RDH13: variants seen among roughly 807,000 people sequenced by gnomAD.
The protein encoded by RDH13 is retinol dehydrogenase 13 (all-trans and 9-cis).
Under a neutral mutation model 28.3 loss-of-function variants are expected in RDH13, and 35 were observed. The observed-to-expected ratio is 1.24, with a 90% CI of 0.95 to 1.64. The LOEUF is 1.64. Ranked by LOEUF, RDH13 falls within the 40% of genes most tolerant of loss-of-function variation. The pLI is 0.00. For missense variants in RDH13, 514 were observed against 446.3 expected, an observed-to-expected ratio of 1.15 and a Z score of -1.37; for synonymous variants, 229 against 198.5, an observed-to-expected ratio of 1.15 and a Z score of -1.29.
upstream of RDH13, among the ~76,000 whole-genome samples, chr19:55,065,982 T>C (rs779168647): frequency 2.0e-5 from 3 of 152,210 alleles, no homozygotes; most frequent in Non-Finnish European, 2.9e-5. Flanking sequence ...CCTCCCAAAG[T>C]GCTGGGATTA....
chr19:55,044,962 G>T lies in RDH13; in HGVS notation c.*112C>A. 1 of 787,404 alleles carries T rather than the reference G, an allele frequency of 1.3e-6. No individual in the cohort carries two copies. Among genetic ancestry groups the T allele is most frequent in the Non-Finnish European group, 2.0e-6 (1 of 497,978 alleles). The allele number at this position is 787,404 out of a possible 1,614,324, so 48.8% of individuals were successfully genotyped here. A position where few individuals can be genotyped will look rare whatever the true frequency, so the allele number is the denominator to read the frequency against. ...CCCTAGAACCTACTGCGGGCATGGCGGCCGCCAGTCCTGGGTCTCCCGGCT... is the reference window on the plus strand; with the variant it reads ...CCCTAGAACCTACTGCGGGCATGGCTGCCGCCAGTCCTGGGTCTCCCGGCT... On this transcript the variant is annotated 3_prime_UTR_variant, in exon 7 of 7. Coordinates refer to ENST00000415061, the MANE Select transcript of RDH13 (RefSeq NM_001145971.2).
upstream of RDH13, chr19:55,063,289 G>A (rs887628644): frequency 5.2e-6 from 2 of 387,902 alleles, no homozygotes; most frequent in East Asian, 7.5e-5. Flanking sequence ...AGGAGCCTGT[G>A]GGCGTGGCTA....
downstream of RDH13, among the ~76,000 whole-genome samples, chr19:55,039,926 T>G (rs117498271): frequency 0.019 from 2,841 of 152,292 alleles, 37 homozygotes; most frequent in Non-Finnish European, 0.025. Flanking sequence ...AAGGAAATAT[T>G]CCGGACTTGA....
At chr19:55,066,641 CT>C (rs879745347), upstream of RDH13, among the ~76,000 whole-genome samples, 25 of 147,090 alleles carry the variant, frequency 1.7e-4, no homozygotes, top group Non-Finnish European at 3.3e-4. Context: ...TCCTCTCTCT[CT>C]CCCTCTTTCT....
At chr19:55,056,591 A>G in intron 3 of RDH13, 62 bp downstream of exon 3, 1 of 1,577,874 alleles carries the variant, frequency 6.3e-7, no homozygotes, top group Non-Finnish European at 8.6e-7. Flanking sequence ...TTCACTTCTC[A>G]GAGCCTGGCC....
At chr19:55,066,856 A>G (rs1221248276), upstream of RDH13, among the ~76,000 whole-genome samples, 2 of 151,970 alleles carry the variant, frequency 1.3e-5, no homozygotes, top group African/African-American at 4.8e-5. Context: ...AAGGGGGGCA[A>G]GGAGCTCCAG....
At position 55,063,072 on chromosome 19, in the gene RDH13, C is replaced by T; in HGVS notation, c.-40G>A. ...AGGCGTCAGGCGTCAGGGGTCGGCG[C>T]GGAGCTTGCTGCACACCAGCCGCCT... On this transcript the variant is annotated 5_prime_UTR_variant, in exon 1 of 7. Coordinates refer to ENST00000415061, the MANE Select transcript of RDH13 (RefSeq NM_001145971.2). 1.7e-6 allele frequency: 2 copies of T among 1,146,094 alleles called. No individual in the cohort carries two copies. Among genetic ancestry groups the T allele is most frequent in the East Asian group, 3.8e-5 (1 of 26,138 alleles). 71.0% of individuals were successfully genotyped at this position (1,146,094 alleles called of 1,614,324 possible). A position where few individuals can be genotyped will look rare whatever the true frequency, so the allele number is the denominator to read the frequency against.
chr19:55,054,727 C>T (rs2075573268), intron 3 of RDH13, among the ~76,000 whole-genome samples: 1 of 127,656 alleles, frequency 7.8e-6, no homozygotes, highest in African/African-American at 2.8e-5. Flanking sequence ...TGCCAGGATG[C>T]CCGGCTAATT....
At position 55,048,775 on chromosome 19, in the gene RDH13, G is replaced by A. The variant is rs376231571; in HGVS notation, c.341-12C>T. The A allele has an allele frequency of 1.9e-6, 3 of 1,609,278 alleles. No individual in the cohort carries two copies. Among genetic ancestry groups the A allele is most frequent in the East Asian group, 4.5e-5 (2 of 44,822 alleles). On this transcript the variant is annotated splice_polypyrimidine_tract_variant and intron_variant, in intron 3 of 6. Coordinates refer to ENST00000415061, the MANE Select transcript of RDH13 (RefSeq NM_001145971.2). The stretch of plus-strand genomic sequence containing the variant: ...CACTCGCTCCTCCTCTGGAAGAGAG[G>A]GGTGGAGGAGGAGACATCCCGGTGA...
In RDH13 at chr19:55,059,047, C is replaced by T. The variant is rs1319054609; in HGVS notation, c.184+110G>A. ...AGAAGCCACATTCTGTTTCCCTGTT[C>T]ATCTGTGGATGGGTGCCTGGGTTCC... On this transcript the variant is annotated intron_variant, in intron 2 of 6. Transcript: ENST00000415061. 7 of 696,238 alleles carry T rather than the reference C, an allele frequency of 1.0e-5. No individual in the cohort carries two copies. The East Asian group carries it at 1.9e-4, about 19-fold the overall frequency. 43.1% of individuals were successfully genotyped at this position (696,238 alleles called of 1,614,324 possible).
At chr19:55,040,054 T>C (rs1230683908), downstream of RDH13, among the ~76,000 whole-genome samples, 1 of 152,164 alleles carries the variant, frequency 6.6e-6, no homozygotes, top group African/African-American at 2.4e-5. Context: ...TACTATTTAA[T>C]AGGGAGCGCT....
chr19:55,058,936 C>T (rs926141004), intron 2 of RDH13, among the ~76,000 whole-genome samples: 15 of 152,216 alleles, frequency 9.9e-5, no homozygotes, highest in African/African-American at 3.6e-4. Flanking sequence ...GCTTTGGCCT[C>T]CCAAAGTACT....
intron 3 of RDH13, 47 bp downstream of exon 3, chr19:55,056,606 G>A: frequency 6.3e-7 from 1 of 1,595,198 alleles, no homozygotes; most frequent in Non-Finnish European, 8.6e-7. Context: ...CTGGCCCTGG[G>A]AGCCGCCTAT....
chr19:55,062,465 T>C lies in RDH13; in HGVS notation c.65+503A>G, dbSNP rs530569503. Among the ~76,000 whole-genome samples the C allele has an allele frequency of 2.8e-4, 43 of 152,268 alleles. 2 individuals carry two copies. In the South Asian group the frequency reaches 8.9e-3, roughly 32 times the overall value. ...TGGAGGCCGAGGCAGGCGGATCACC[T>C]GAGGGCAGGTGTTTGAGACCAGCCT... is the stretch of plus-strand genomic sequence containing the variant. On this transcript the variant is annotated intron_variant, in intron 1 of 6. Coordinates refer to ENST00000415061, the MANE Select transcript of RDH13 (RefSeq NM_001145971.2).
chr19:55,063,188 G>T, upstream of RDH13: 1 of 563,030 alleles, frequency 1.8e-6, no homozygotes, highest in Non-Finnish European at 2.8e-6. Context: ...GGCTGCGAGG[G>T]GCGGGGCGCG....
At chr19:55,039,975 G>A (rs543599606), downstream of RDH13, among the ~76,000 whole-genome samples, 2 of 152,294 alleles carry the variant, frequency 1.3e-5, no homozygotes, top group African/African-American at 2.4e-5. Flanking sequence ...CTGAGGTATC[G>A]AGAGGAGTCA....
intron 3 of RDH13, among the ~76,000 whole-genome samples, chr19:55,055,569 G>A (rs886075839): frequency 2.6e-5 from 4 of 152,062 alleles, no homozygotes; most frequent in African/African-American, 9.7e-5. Flanking sequence ...GTCAGGTGCG[G>A]TGGCTCACGC....
At chr19:55,045,946 C>CA (rs11356856) in intron 6 of RDH13, among the ~76,000 whole-genome samples, 1,629 of 89,314 alleles carry the variant, frequency 0.018, 24 homozygotes, top group African/African-American at 0.055. Context: ...GACTTCGTCT[C>CA]AAAAAAAAAA....
In RDH13 at chr19:55,044,711, A is replaced by T. The variant is rs1403541638; in HGVS notation, c.*363T>A. ...CCACCAAGTGTCAGACAACTTGCCC[A>T]TGCTCTTCACGGAGCACCTTGGAAC... On this transcript the variant is annotated 3_prime_UTR_variant, in exon 7 of 7. Coordinates refer to ENST00000415061, the MANE Select transcript of RDH13 (RefSeq NM_001145971.2). The T allele has an allele frequency of 3.7e-6, 1 of 271,494 alleles. No homozygotes were observed. Among genetic ancestry groups the T allele is most frequent in the African/African-American group, 2.2e-5 (1 of 45,694 alleles). 16.8% of individuals were successfully genotyped at this position (271,494 alleles called of 1,614,324 possible). A position where few individuals can be genotyped will look rare whatever the true frequency, so the allele number is the denominator to read the frequency against.
Sources: allele counts gnomAD v4.1 joint callset (sites outside exome capture counted in the v4.1 genomes callset), GRCh38; gene constraint gnomAD v4.1.1; transcripts MANE v1.5; gene names NCBI Gene and HGNC (gene_info 2026-07-23, HGNC 2026-07-21).